The following SAXO1 variants were observed in gnomAD, a reference collection of about 807,000 sequenced individuals.
The protein encoded by SAXO1 is stabilizer of axonemal microtubules 1, also known as 4930500O09Rik.
SAXO1 carries 21 observed loss-of-function variants against 17.5 expected under a neutral mutation model. The ratio of observed to expected loss-of-function variants is 1.20; its 90% CI spans 0.85 to 1.72. The LOEUF is 1.72. Among genes scored for constraint, SAXO1 ranks in the 40% most tolerant of loss-of-function variants. The pLI is 0.00. For missense variants in SAXO1, 843 were observed against 596.0 expected (o/e 1.41, Z -4.32); for synonymous variants, 274 against 216.5 (o/e 1.27, Z -2.33).
intron 1 of SAXO1, among the ~76,000 whole-genome samples, chr9:18,987,240 T>C (rs1478083066): frequency 2.0e-5 from 3 of 152,150 alleles, no homozygotes; most frequent in African/African-American, 7.2e-5. Context: ...AAACTTCAGA[T>C]CTCACCCCTT....
At chr9:19,044,077 A>G (rs1836145328) in intron 1 of SAXO1, among the ~76,000 whole-genome samples, 1 of 151,574 alleles carries the variant, frequency 6.6e-6, no homozygotes, top group Non-Finnish European at 1.5e-5. Flanking sequence ...CCCAGGAGGT[A>G]GAGGCTGCAG....
intron 1 of SAXO1, among the ~76,000 whole-genome samples, chr9:19,006,480 C>A (rs940933869): frequency 3.3e-5 from 5 of 152,256 alleles, no homozygotes; most frequent in Admixed American, 6.5e-5. Flanking sequence ...ATGAGTGAAC[C>A]TTAGAGACAA....
At chr9:19,024,066 A>ATGT (rs1351544491) in intron 1 of SAXO1, among the ~76,000 whole-genome samples, 1 of 49,050 alleles carries the variant, frequency 2.0e-5, no homozygotes, top group African/African-American at 8.1e-5. Context: ...CTATTTATCT[A>ATGT]TGTTACTCTC....
chr9:19,002,614 A>G (rs1348032055), intron 1 of SAXO1, among the ~76,000 whole-genome samples: 2 of 152,244 alleles, frequency 1.3e-5, no homozygotes, highest in Non-Finnish European at 2.9e-5. Flanking sequence ...AATGCAATCC[A>G]TCACATGAAC....
chr9:18,964,664 G>C (rs1448758364), intron 1 of SAXO1, among the ~76,000 whole-genome samples: 2 of 151,998 alleles, frequency 1.3e-5, no homozygotes, highest in African/African-American at 4.8e-5. Context: ...TTCTTTATTA[G>C]TCTGGCTAGT....
intron 3 of SAXO1, among the ~76,000 whole-genome samples, chr9:18,931,731 G>C (rs1466489306): frequency 6.6e-6 from 1 of 152,152 alleles, no homozygotes; most frequent in African/African-American, 2.4e-5. Context: ...TGGGTATTTA[G>C]TAGTATCTTG....
intron 1 of SAXO1, among the ~76,000 whole-genome samples, chr9:18,952,635 G>A (rs1397510427): frequency 6.6e-6 from 1 of 152,152 alleles, no homozygotes; most frequent in East Asian, 1.9e-4. Flanking sequence ...AATGCCTTAA[G>A]AAGGCATGAA....
At chr9:19,019,534 G>C (rs1835138258) in intron 1 of SAXO1, among the ~76,000 whole-genome samples, 1 of 152,012 alleles carries the variant, frequency 6.6e-6, no homozygotes, top group Admixed American at 6.6e-5. Context: ...TTTGAGACCA[G>C]CCTGGCCAAA....
intron 1 of SAXO1, among the ~76,000 whole-genome samples, chr9:18,990,867 C>T (rs981629574): frequency 1.6e-4 from 25 of 152,162 alleles, no homozygotes; most frequent in African/African-American, 6.0e-4. Context: ...AGAATGGGAC[C>T]ACCTTGTTGC....
chr9:19,039,847 G>C (rs1313768265), intron 1 of SAXO1, among the ~76,000 whole-genome samples: 1 of 152,140 alleles, frequency 6.6e-6, no homozygotes, highest in Admixed American at 6.5e-5. Context: ...TCCTGCCTCA[G>C]CCTCCCCAGT....
At chr9:18,985,983 G>C (rs1289888054) in intron 1 of SAXO1, among the ~76,000 whole-genome samples, 2 of 152,124 alleles carry the variant, frequency 1.3e-5, no homozygotes, top group Non-Finnish European at 2.9e-5. Context: ...TTACTCCCTA[G>C]AGACAGTAAT....
intron 1 of SAXO1, among the ~76,000 whole-genome samples, chr9:18,989,683 T>C (rs1458869163): frequency 6.6e-6 from 1 of 152,054 alleles, no homozygotes; most frequent in Admixed American, 6.6e-5. Flanking sequence ...AGCTAAGAAG[T>C]GGAACATCAA....
chr9:18,996,484 A>G (rs149043957), intron 1 of SAXO1, among the ~76,000 whole-genome samples: 52 of 152,378 alleles, frequency 3.4e-4, no homozygotes, highest in African/African-American at 1.1e-3. Context: ...GCAATTATGT[A>G]TCTAAGCATA....
intron 1 of SAXO1, among the ~76,000 whole-genome samples, chr9:18,972,938 C>T (rs1330086168): frequency 6.6e-6 from 1 of 152,160 alleles, no homozygotes; most frequent in Non-Finnish European, 1.5e-5. Context: ...CTCCGGTACT[C>T]AGGATCCCAC....
At chr9:19,005,133 A>G (rs567711525) in intron 1 of SAXO1, among the ~76,000 whole-genome samples, 2 of 152,368 alleles carry the variant, frequency 1.3e-5, no homozygotes, top group South Asian at 4.1e-4. Flanking sequence ...AAGAAATTAA[A>G]GAAGACAAAT....
chr9:19,020,274 G>A (rs993729333), intron 1 of SAXO1, among the ~76,000 whole-genome samples: 4 of 151,934 alleles, frequency 2.6e-5, no homozygotes, highest in Non-Finnish European at 4.4e-5. Flanking sequence ...CATCCCAAAT[G>A]TAAAACTTCA....
In SAXO1 at chr9:19,032,958, GCCGA is replaced by G; in HGVS notation, c.-54_-51del. Reference sequence around the variant, plus strand: ...TCCCCTCAGAGCATCGCCAGCTGCAGCCGACTCCTAGACCCCAACCACCTGTCTT... The same window carrying G: ...TCCCCTCAGAGCATCGCCAGCTGCAGCTCCTAGACCCCAACCACCTGTCTT... On this transcript the variant is annotated 5_prime_UTR_variant, in exon 1 of 4. Coordinates refer to ENST00000380534, the MANE Select transcript of SAXO1 (RefSeq NM_153707.4). 6.3e-7 allele frequency: 1 copy of G among 1,578,474 alleles called. No individual in the cohort carries two copies. Among genetic ancestry groups the G allele is most frequent in the South Asian group, 1.2e-5 (1 of 86,840 alleles).
At position 19,024,012 on chromosome 9, in the gene SAXO1, C is replaced by CTTTTTT. The variant is rs71333077; in HGVS notation, c.38+8853_38+8858dup. ...GAAGAAGAAATGCTACTCTTTAAGG[C>CTTTTTT]TTTTTTTTTTTTTTTTTTTTTTTTT... is the stretch of plus-strand genomic sequence containing the variant. On this transcript the variant is annotated intron_variant, in intron 1 of 3. Coordinates refer to ENST00000380534, the MANE Select transcript of SAXO1 (RefSeq NM_153707.4). Among the ~76,000 whole-genome samples, 88 of 38,134 alleles carry CTTTTTT rather than the reference C, an allele frequency of 2.3e-3. 6 individuals are homozygous for CTTTTTT. The highest frequency in any genetic ancestry group is 3.7e-3 in the African/African-American group (34 of 9,176). 25.0% of individuals were successfully genotyped at this position (38,134 alleles called of 152,430 possible).
chr9:18,973,819 T>C (rs1456690288), intron 1 of SAXO1, among the ~76,000 whole-genome samples: 1 of 152,252 alleles, frequency 6.6e-6, no homozygotes, highest in Non-Finnish European at 1.5e-5. Flanking sequence ...CACTGTAATA[T>C]TCACAAGTTA....
Sources: gnomAD v4.1 joint callset for allele counts (sites outside exome capture counted in the v4.1 genomes callset) on GRCh38, gnomAD v4.1.1 for gene constraint, MANE v1.5 for transcripts, NCBI Gene and HGNC (gene_info 2026-07-23, HGNC 2026-07-21) for gene names.